Variants in SPOCK1 observed in about 807,000 individuals in gnomAD.
SPOCK1 encodes testican-1.
A neutral mutation model predicts 55.3 loss-of-function variants in SPOCK1; 23 were observed. The ratio of observed to expected loss-of-function variants is 0.42; its 90% CI spans 0.30 to 0.59. The LOEUF is 0.59. Ranked by LOEUF, SPOCK1 falls within the 20% of genes least tolerant of loss-of-function variation. SPOCK1 has a pLI of 0.22. For missense variants in SPOCK1, 499 were observed against 552.5 expected, an observed-to-expected ratio of 0.90 and a Z score of 0.97; for synonymous variants, 226 against 221.0, an observed-to-expected ratio of 1.02 and a Z score of -0.20.
At chr5:137,226,092 A>G (rs1580816471) in intron 3 of SPOCK1, among the ~76,000 whole-genome samples, 1 of 152,338 alleles carries the variant, frequency 6.6e-6, no homozygotes, top group Non-Finnish European at 1.5e-5. Context: ...ACACAAGACT[A>G]TCAGTGGGCT....
chr5:136,978,644 CT>C lies in SPOCK1; in HGVS notation c.*9del. On this transcript the variant is annotated 3_prime_UTR_variant, in exon 11 of 11. Coordinates refer to ENST00000394945, the MANE Select transcript of SPOCK1 (RefSeq NM_004598.4). ...TTTGTGCAAAACTTGTGTCCTCTTTCTTGTGGGCACTACCATATGTACCCGA... is the reference window on the plus strand; with the variant it reads ...TTTGTGCAAAACTTGTGTCCTCTTTCTGTGGGCACTACCATATGTACCCGA... 4.4e-6 allele frequency: 7 copies of C among 1,583,430 alleles called. No homozygotes were observed. The highest frequency in any genetic ancestry group is 6.0e-6 in the Non-Finnish European group (7 of 1,167,468).
intron 2 of SPOCK1, among the ~76,000 whole-genome samples, chr5:137,395,280 T>C (rs1751818681): frequency 6.6e-6 from 1 of 152,264 alleles, no homozygotes; most frequent in Non-Finnish European, 1.5e-5. Flanking sequence ...CAGGAATTCA[T>C]ACAAATGTCA....
At chr5:137,126,701 G>A (rs914311854) in intron 4 of SPOCK1, among the ~76,000 whole-genome samples, 1 of 152,160 alleles carries the variant, frequency 6.6e-6, no homozygotes, top group African/African-American at 2.4e-5. Flanking sequence ...GGCGGAGGCT[G>A]CAGTGAGCTG....
At chr5:137,003,626 G>A (rs185706656) in intron 6 of SPOCK1, among the ~76,000 whole-genome samples, 249 of 152,236 alleles carry the variant, frequency 1.6e-3, no homozygotes, top group Non-Finnish European at 1.7e-3. Context: ...TATTTCTAAT[G>A]AGCAATTTGT....
chr5:137,366,078 C>T (rs1288876546), intron 2 of SPOCK1, among the ~76,000 whole-genome samples: 1 of 152,140 alleles, frequency 6.6e-6, no homozygotes, highest in Non-Finnish European at 1.5e-5. Context: ...GACAGGTTCC[C>T]AGAAGAGCTC....
chr5:137,137,891 T>A (rs1351907284), intron 4 of SPOCK1, among the ~76,000 whole-genome samples: 3 of 152,204 alleles, frequency 2.0e-5, no homozygotes, highest in Non-Finnish European at 4.4e-5. Flanking sequence ...ATTGTCTCAG[T>A]AATTGTACGA....
At chr5:137,470,928 T>G (rs1266268719) in intron 2 of SPOCK1, among the ~76,000 whole-genome samples, 1 of 152,218 alleles carries the variant, frequency 6.6e-6, no homozygotes, top group Non-Finnish European at 1.5e-5. Flanking sequence ...GCAACATGGT[T>G]AGTGTCCAGG....
intron 2 of SPOCK1, among the ~76,000 whole-genome samples, chr5:137,468,972 C>T (rs189854314): frequency 1.3e-3 from 199 of 152,178 alleles, no homozygotes; most frequent in African/African-American, 4.6e-3. Context: ...GATGGGCCTA[C>T]GGAAAACTAC....
At chr5:137,003,539 C>T (rs1001702761) in intron 6 of SPOCK1, among the ~76,000 whole-genome samples, 1 of 152,030 alleles carries the variant, frequency 6.6e-6, no homozygotes, top group Non-Finnish European at 1.5e-5. Flanking sequence ...CCGCTTGTTC[C>T]AGGGCCAATA....
chr5:137,378,539 C>T (rs1263131866), intron 2 of SPOCK1, among the ~76,000 whole-genome samples: 1 of 152,224 alleles, frequency 6.6e-6, no homozygotes, highest in African/African-American at 2.4e-5. Flanking sequence ...CTAATGAACC[C>T]AAAGACCCTT....
At chr5:137,236,619 CT>C (rs1298086735) in intron 3 of SPOCK1, among the ~76,000 whole-genome samples, 1 of 152,136 alleles carries the variant, frequency 6.6e-6, no homozygotes, top group East Asian at 1.9e-4. Context: ...GTCTCCAGCC[CT>C]TAGGTCCTGA....
intron 3 of SPOCK1, among the ~76,000 whole-genome samples, chr5:137,181,169 G>A (rs935314179): frequency 2.0e-5 from 3 of 152,154 alleles, no homozygotes; most frequent in Admixed American, 1.3e-4. Context: ...GTTGGGCACC[G>A]AAGAACATAC....
rs11479277 is a variant in SPOCK1 at position 137,039,270 on chromosome 5, C to CTTTTTT, written c.589+28439_589+28444dup. Among the ~76,000 whole-genome samples, 721 of 88,864 alleles carry CTTTTTT rather than the reference C, an allele frequency of 8.1e-3. 72 individuals carry two copies. Among genetic ancestry groups the CTTTTTT allele is most frequent in the African/African-American group, 9.7e-3 (262 of 26,928 alleles). The allele number at this position is 88,864 out of a possible 152,430, so 58.3% of individuals were successfully genotyped here. Reference sequence around the variant, plus strand: ...TCACTCTGCCTTTCTGCCTGCCACACTTTTTTTTTTTTTTTTTTTTTTTTT... The same window carrying CTTTTTT: ...TCACTCTGCCTTTCTGCCTGCCACACTTTTTTTTTTTTTTTTTTTTTTTTTTTTTTT... On this transcript the variant is annotated intron_variant, in intron 6 of 10. Coordinates refer to ENST00000394945, the MANE Select transcript of SPOCK1 (RefSeq NM_004598.4).
chr5:137,429,105 G>A (rs937586771), intron 2 of SPOCK1, among the ~76,000 whole-genome samples: 3 of 152,200 alleles, frequency 2.0e-5, no homozygotes, highest in Non-Finnish European at 4.4e-5. Flanking sequence ...TCTGGGCCCT[G>A]CCTACTTTTC....
At chr5:137,453,882 G>T (rs547768156) in intron 2 of SPOCK1, among the ~76,000 whole-genome samples, 1 of 152,242 alleles carries the variant, frequency 6.6e-6, no homozygotes, top group South Asian at 2.1e-4. Flanking sequence ...GGTCTAATGT[G>T]ATTGTAGTGG....
intron 2 of SPOCK1, among the ~76,000 whole-genome samples, chr5:137,359,335 G>A (rs969384263): frequency 6.6e-6 from 1 of 152,098 alleles, no homozygotes; most frequent in African/African-American, 2.4e-5. Context: ...CAAGATACAA[G>A]GCATTCTCAT....
chr5:137,247,068 T>G (rs1244411883), intron 3 of SPOCK1, among the ~76,000 whole-genome samples: 1 of 152,126 alleles, frequency 6.6e-6, no homozygotes, highest in Non-Finnish European at 1.5e-5. Context: ...TCACTCAACC[T>G]GCAAAACTGT....
intron 6 of SPOCK1, among the ~76,000 whole-genome samples, chr5:137,009,057 ATAAGTC>A (rs1300034603): frequency 1.3e-5 from 2 of 152,202 alleles, no homozygotes; most frequent in Non-Finnish European, 2.9e-5. Context: ...TTTTACTTCG[ATAAGTC>A]TAAATGAGTT....
intron 5 of SPOCK1, among the ~76,000 whole-genome samples, chr5:137,100,841 A>G (rs185370535): frequency 1.3e-5 from 2 of 151,538 alleles, no homozygotes; most frequent in African/African-American, 4.8e-5. Context: ...TGGTATACAA[A>G]GATTCCCAAA....
Sources: allele counts gnomAD v4.1 joint callset (sites outside exome capture counted in the v4.1 genomes callset), GRCh38; gene constraint gnomAD v4.1.1; transcripts MANE v1.5; gene names NCBI Gene and HGNC (gene_info 2026-07-23, HGNC 2026-07-21).